Variants in SRGAP1 observed in about 807,000 individuals in gnomAD.
SRGAP1 encodes SLIT-ROBO Rho GTPase activating protein 1, also known as SLIT-ROBO Rho GTPase-activating protein 1.
In SRGAP1, 43 loss-of-function variants were observed where a neutral mutation model predicts 121.9. The observed-to-expected ratio is 0.35, with a 90% CI of 0.28 to 0.46. The LOEUF is 0.46. Ranked by LOEUF, SRGAP1 falls within the 20% of genes least tolerant of loss-of-function variation. SRGAP1 has a pLI of 1.00. For synonymous variants in SRGAP1, 447 were observed against 485.4 expected (o/e 0.92, Z 1.04); for missense variants, 1,102 against 1,350.9 (o/e 0.82, Z 2.89).
intron 3 of SRGAP1, among the ~76,000 whole-genome samples, chr12:64,005,241 A>G (rs2034044614): frequency 6.6e-6 from 1 of 152,240 alleles, no homozygotes; most frequent in South Asian, 2.1e-4. Context: ...ATAATTTTCA[A>G]TAATTAGTAA....
chr12:64,010,629 G>A (rs1360065573), intron 3 of SRGAP1, among the ~76,000 whole-genome samples: 2 of 152,060 alleles, frequency 1.3e-5, no homozygotes, highest in African/African-American at 2.4e-5. Context: ...GGGAATGCAA[G>A]GACAATTGTT....
At position 64,091,379 on chromosome 12, in the gene SRGAP1, G is replaced by A; in HGVS notation, c.1539+1G>A. On this transcript the variant is annotated splice_donor_variant, in intron 12 of 21. Transcript: ENST00000355086. LOFTEE classifies it high-confidence loss of function. ...TGGGGATTTGGAAACATTCGTCAAGGTACTGGCACCAGCCATCTGGGTGGC... is the reference window on the plus strand; with the variant it reads ...TGGGGATTTGGAAACATTCGTCAAGATACTGGCACCAGCCATCTGGGTGGC... 9.4e-6 allele frequency: 15 copies of A among 1,600,996 alleles called. No individual in the cohort carries two copies. The highest frequency in any genetic ancestry group is 1.2e-5 in the Non-Finnish European group (14 of 1,171,840).
At chr12:63,849,337 G>A (rs1198713714) in intron 1 of SRGAP1, among the ~76,000 whole-genome samples, 2 of 152,204 alleles carry the variant, frequency 1.3e-5, no homozygotes, top group Non-Finnish European at 2.9e-5. Flanking sequence ...ATATTGTGGA[G>A]CTACACATAT....
At chr12:64,127,179 C>T (rs2036703766) in intron 19 of SRGAP1, among the ~76,000 whole-genome samples, 1 of 152,202 alleles carries the variant, frequency 6.6e-6, no homozygotes, top group Non-Finnish European at 1.5e-5. Flanking sequence ...GATGAGATTG[C>T]TTGACAACGC....
At chr12:63,964,993 A>G (rs1282040472) in intron 1 of SRGAP1, among the ~76,000 whole-genome samples, 1 of 152,220 alleles carries the variant, frequency 6.6e-6, no homozygotes, top group Non-Finnish European at 1.5e-5. Flanking sequence ...CTTTAGAGCC[A>G]GACAAAGATG....
chr12:63,891,181 C>G (rs1900566244), intron 1 of SRGAP1, among the ~76,000 whole-genome samples: 1 of 152,184 alleles, frequency 6.6e-6, no homozygotes, highest in South Asian at 2.1e-4. Flanking sequence ...TTATTAGACG[C>G]TCCTCACTAC....
intron 9 of SRGAP1, among the ~76,000 whole-genome samples, chr12:64,079,934 T>A (rs536749379): frequency 3.3e-5 from 5 of 152,212 alleles, no homozygotes; most frequent in African/African-American, 9.6e-5. Context: ...TCCTTGACAT[T>A]GAATAATTTT....
chr12:64,067,767 A>G (rs1211444139), intron 8 of SRGAP1, among the ~76,000 whole-genome samples: 2 of 152,150 alleles, frequency 1.3e-5, no homozygotes, highest in African/African-American at 4.8e-5. Context: ...AGGTGAGGTC[A>G]TTCAACAAGA....
chr12:64,126,181 C>T, intron 19 of SRGAP1, 24 bp downstream of exon 19: 1 of 1,602,076 alleles, frequency 6.2e-7, no homozygotes, highest in Non-Finnish European at 8.5e-7. Context: ...ACTTTGATTG[C>T]CTGAGTGCTC....
At chr12:63,912,557 T>A (rs1172755613) in intron 1 of SRGAP1, among the ~76,000 whole-genome samples, 1 of 151,960 alleles carries the variant, frequency 6.6e-6, no homozygotes, top group African/African-American at 2.4e-5. Flanking sequence ...GAGGCTGCAG[T>A]GAGCTATGAT....
chr12:63,964,744 C>T (rs1398561020), intron 1 of SRGAP1, among the ~76,000 whole-genome samples: 1 of 152,184 alleles, frequency 6.6e-6, no homozygotes, highest in East Asian at 1.9e-4. Flanking sequence ...TTTAACATTT[C>T]ATAGCAGAGG....
rs141940059 is a variant in SRGAP1 at position 64,072,154 on chromosome 12, C to T, written c.1126-6765C>T. 3.5e-4 allele frequency among the ~76,000 whole-genome samples: 31 copies of T among 88,258 alleles called. No homozygotes were observed. The South Asian group carries it at 0.013, about 36-fold the overall frequency. 57.9% of individuals were successfully genotyped at this position (88,258 alleles called of 152,430 possible). On this transcript the variant is annotated intron_variant, in intron 8 of 21. Coordinates refer to ENST00000355086, the MANE Select transcript of SRGAP1 (RefSeq NM_020762.4). ...TGTGTGTGTGTGTGTGTGTGGGCGG[C>T]GGGGGGGGGCTCTTTCTGCTAATTT...
rs11829640 is a variant in SRGAP1, at chr12:64,063,285, C to T, written c.1023+147C>T. 2,877 of 745,774 alleles carry T rather than the reference C, an allele frequency of 3.9e-3. 46 individuals carry two copies. The highest frequency in any genetic ancestry group is 0.037 in the African/African-American group (2,084 of 56,440). The allele number at this position is 745,774 out of a possible 1,614,324, so 46.2% of individuals were successfully genotyped here. A position where few individuals can be genotyped will look rare whatever the true frequency, so the allele number is the denominator to read the frequency against. ...CTCTTAATATAATGCTAAGATTAGT[C>T]GCTACCGCCTTTTAAAGCAAACGTC... On this transcript the variant is annotated intron_variant, in intron 7 of 21. Coordinates refer to ENST00000355086, the MANE Select transcript of SRGAP1 (RefSeq NM_020762.4).
At chr12:63,949,884 A>G (rs1024637144) in intron 1 of SRGAP1, among the ~76,000 whole-genome samples, 39 of 152,226 alleles carry the variant, frequency 2.6e-4, no homozygotes, top group African/African-American at 9.2e-4. Context: ...ATCCAAACTA[A>G]TATACACAAA....
intron 4 of SRGAP1, among the ~76,000 whole-genome samples, chr12:64,033,023 GA>G (rs536790270): frequency 6.6e-6 from 1 of 151,512 alleles, no homozygotes; most frequent in Non-Finnish European, 1.5e-5. Flanking sequence ...CCCCAAAAAA[GA>G]AAAAAAATGC....
intron 1 of SRGAP1, among the ~76,000 whole-genome samples, chr12:63,959,666 A>G (rs2032580698): frequency 6.6e-6 from 1 of 152,134 alleles, no homozygotes; most frequent in Non-Finnish European, 1.5e-5. Flanking sequence ...ATTCTTTTAA[A>G]TAAGTCTTCC....
intron 21 of SRGAP1, among the ~76,000 whole-genome samples, chr12:64,137,350 TA>T (rs200460641): frequency 0.03 from 4,510 of 147,936 alleles, 69 homozygotes; most frequent in South Asian, 0.098. Context: ...TAAATACTTG[TA>T]AAAAAAAAAA....
intron 1 of SRGAP1, among the ~76,000 whole-genome samples, chr12:63,905,536 C>A (rs1222760344): frequency 6.6e-6 from 1 of 152,236 alleles, no homozygotes; most frequent in Non-Finnish European, 1.5e-5. Context: ...CCTAAAACTT[C>A]TTTGGTCTTG....
intron 3 of SRGAP1, among the ~76,000 whole-genome samples, chr12:64,003,061 A>G (rs1035903770): frequency 1.0e-5 from 1 of 97,702 alleles, no homozygotes; most frequent in African/African-American, 4.3e-5. Flanking sequence ...AAAGAGAGAA[A>G]GAAAGGGAGG....
Sources: gnomAD v4.1 joint callset for allele counts (sites outside exome capture counted in the v4.1 genomes callset) on GRCh38, gnomAD v4.1.1 for gene constraint, MANE v1.5 for transcripts, NCBI Gene and HGNC (gene_info 2026-07-23, HGNC 2026-07-21) for gene names.